The following CRB1 variants were observed in gnomAD, a reference collection of about 807,000 sequenced individuals.
The protein encoded by CRB1 is crumbs cell polarity complex component 1, also known as protein crumbs homolog 1.
In CRB1, 83 loss-of-function variants were observed where a neutral mutation model predicts 120.0. The observed-to-expected ratio is 0.69, with a 90% CI of 0.58 to 0.83. The LOEUF (loss-of-function observed/expected upper bound fraction) is 0.83. Ranked by LOEUF, CRB1 falls within the 40% of genes least tolerant of loss-of-function variation. The probability of loss-of-function intolerance (pLI) is 0.00; values close to 1 mark genes in which losing one functional copy is unlikely to be tolerated. For missense variants in CRB1, 1,699 were observed against 1,687.6 expected (o/e 1.01, Z -0.12); for synonymous variants, 625 against 612.5 (o/e 1.02, Z -0.30).
the CRB1 span, chr1:197,223,000 C>G: frequency 1.3e-6 from 1 of 798,504 alleles, no homozygotes. Context: ...TAGAGTTAGT[C>G]ACTATTAAGT....
intron 1 of CRB1, among the ~76,000 whole-genome samples, chr1:197,319,973 G>A (rs753435680): frequency 6.6e-6 from 1 of 152,188 alleles, no homozygotes; most frequent in Non-Finnish European, 1.5e-5. Context: ...ATGAATATTA[G>A]TTGGCTTATT....
At chr1:197,427,137 CAGCAAAGGGG>C (rs1056533818) in intron 6 of CRB1, among the ~76,000 whole-genome samples, 1 of 152,114 alleles carries the variant, frequency 6.6e-6, no homozygotes, top group Non-Finnish European at 1.5e-5. Flanking sequence ...TATTTTAGGG[CAGCAAAGGGG>C]AGATTCTTTA....
intron 5 of CRB1, among the ~76,000 whole-genome samples, chr1:197,405,826 A>T (rs1663348982): frequency 6.7e-6 from 1 of 148,248 alleles, no homozygotes; most frequent in African/African-American, 2.5e-5. Flanking sequence ...AGAAGTGAGG[A>T]GCCCCTCCAC....
chr1:197,426,898 C>T (rs913744020), intron 6 of CRB1, among the ~76,000 whole-genome samples: 15 of 152,174 alleles, frequency 9.9e-5, no homozygotes, highest in African/African-American at 3.6e-4. Context: ...TAGCCTAAAT[C>T]ACATGTTAAT....
At chr1:197,260,000 A>AG in the CRB1 span, among the ~76,000 whole-genome samples, 1 of 151,736 alleles carries the variant, frequency 6.6e-6, no homozygotes, top group Non-Finnish European at 1.5e-5. Flanking sequence ...AAAAAAAAAA[A>AG]ATTAACCAGG....
chr1:197,392,642 C>T (rs1662564866), intron 5 of CRB1, among the ~76,000 whole-genome samples: 1 of 152,036 alleles, frequency 6.6e-6, no homozygotes, highest in Non-Finnish European at 1.5e-5. Context: ...GATGAAACTC[C>T]TATTTTATAA....
chr1:197,291,878 A>G (rs1397002403), intron 1 of CRB1, among the ~76,000 whole-genome samples: 2 of 152,034 alleles, frequency 1.3e-5, no homozygotes, highest in Non-Finnish European at 2.9e-5. Flanking sequence ...AAGTTTACAA[A>G]GACACAACTT....
chr1:197,382,774 C>T (rs974082389), intron 5 of CRB1, among the ~76,000 whole-genome samples: 2 of 152,166 alleles, frequency 1.3e-5, no homozygotes, highest in Non-Finnish European at 2.9e-5. Flanking sequence ...CTGTGCCAGG[C>T]ACTGTTGCAT....
chr1:197,311,326 A>C (rs1657505362), intron 1 of CRB1, among the ~76,000 whole-genome samples: 1 of 152,190 alleles, frequency 6.6e-6, no homozygotes, highest in Non-Finnish European at 1.5e-5. Flanking sequence ...TCTATGTGGA[A>C]TTTTAAAAGT....
chr1:197,376,625 C>T (rs958209108), intron 5 of CRB1, among the ~76,000 whole-genome samples: 1 of 152,098 alleles, frequency 6.6e-6, no homozygotes, highest in African/African-American at 2.4e-5. Context: ...TCATACTTCC[C>T]ACCTCTACCA....
chr1:197,225,118 T>C, the CRB1 span, among the ~76,000 whole-genome samples: 1 of 152,190 alleles, frequency 6.6e-6, no homozygotes, highest in African/African-American at 2.4e-5. Flanking sequence ...CACAGATGAA[T>C]TGAATGTGCC....
At chr1:197,391,193 A>G (rs1219482808) in intron 5 of CRB1, among the ~76,000 whole-genome samples, 2 of 152,158 alleles carry the variant, frequency 1.3e-5, no homozygotes, top group African/African-American at 4.8e-5. Flanking sequence ...CAACATTCTG[A>G]AATTCCCTTA....
intron 7 of CRB1, among the ~76,000 whole-genome samples, chr1:197,428,242 T>C (rs779496626): frequency 9.9e-5 from 15 of 152,200 alleles, no homozygotes; most frequent in Non-Finnish European, 2.1e-4. Context: ...ACTTCGGCTA[T>C]AGGCTTCTCT....
chr1:197,436,059 G>T (rs1193162820), intron 9 of CRB1, among the ~76,000 whole-genome samples: 3 of 152,094 alleles, frequency 2.0e-5, no homozygotes, highest in African/African-American at 7.2e-5. Context: ...GTATACAGCT[G>T]ACTCTTGAAC....
At chr1:197,426,091 C>CCAG (rs1258401948) in intron 6 of CRB1, among the ~76,000 whole-genome samples, 6 of 151,862 alleles carry the variant, frequency 4.0e-5, no homozygotes, top group Admixed American at 6.6e-5. Flanking sequence ...ATCTTTTCCT[C>CCAG]CAGTTTTCTT....
intron 1 of CRB1, among the ~76,000 whole-genome samples, chr1:197,314,562 A>G (rs1413343183): frequency 1.3e-5 from 2 of 152,224 alleles, no homozygotes; most frequent in Non-Finnish European, 2.9e-5. Flanking sequence ...CATTCAGACG[A>G]TAATTAAAGG....
Position 197,459,711 on chromosome 1 carries a change from A to G in CRB1, c.4005+17419A>G, listed in dbSNP as rs146160777. ...CAGGATCTTACACCAAAATGGTAGC[A>G]TCTTTCCTTCATGATGGATTTATCA... is the stretch of plus-strand genomic sequence containing the variant. On this transcript the variant is annotated intron_variant, in intron 11 of 11. Transcript: ENST00000367400. Among the ~76,000 whole-genome samples the G allele has an allele frequency of 6.9e-3, 1,055 of 152,252 alleles. 11 individuals carry two copies. The highest frequency in any genetic ancestry group is 0.021 in the African/African-American group (884 of 41,570).
rs1284967148 is a variant in CRB1, at chr1:197,319,259, T to TAAAAA, written c.71-9148_71-9144dup. 5.3e-4 allele frequency among the ~76,000 whole-genome samples: 26 copies of TAAAAA among 49,052 alleles called. 1 individual carries two copies. The highest frequency in any genetic ancestry group is 2.0e-3 in the African/African-American group (23 of 11,426). 32.2% of individuals were successfully genotyped at this position (49,052 alleles called of 152,430 possible). A position where few individuals can be genotyped will look rare whatever the true frequency, so the allele number is the denominator to read the frequency against. On this transcript the variant is annotated intron_variant, in intron 1 of 11. Coordinates refer to ENST00000367400, the MANE Select transcript of CRB1 (RefSeq NM_201253.3). ...CAACATAGTGAAACCCTGTCTCTAC[T>TAAAAA]AAAAAAAAAAAAAAAAAAATTAGCC...
chr1:197,393,540 A>G (rs1259933190), intron 5 of CRB1, among the ~76,000 whole-genome samples: 1 of 152,104 alleles, frequency 6.6e-6, no homozygotes, highest in Non-Finnish European at 1.5e-5. Context: ...GAAAGATAAA[A>G]CATTCAGTAA....
Sources: gnomAD v4.1 joint callset for allele counts (sites outside exome capture counted in the v4.1 genomes callset) on GRCh38, gnomAD v4.1.1 for gene constraint, MANE v1.5 for transcripts, NCBI Gene and HGNC (gene_info 2026-07-23, HGNC 2026-07-21) for gene names.